TMC1: variants seen among roughly 807,000 people sequenced by gnomAD.
The protein encoded by TMC1 is transmembrane channel like 1.
TMC1 carries 84 observed loss-of-function variants against 105.8 expected under a neutral mutation model. The observed-to-expected ratio is 0.79, with a 90% CI of 0.67 to 0.95. The LOEUF is 0.95. Among genes scored for constraint, TMC1 ranks in the 40% least tolerant of loss-of-function variants. TMC1 has a pLI of 0.00. For missense variants in TMC1, 817 were observed against 914.1 expected, an observed-to-expected ratio of 0.89 and a Z score of 1.37; for synonymous variants, 315 against 311.5, an observed-to-expected ratio of 1.01 and a Z score of -0.12.
At chr9:72,573,080 C>T (rs576752719) in intron 1 of TMC1, among the ~76,000 whole-genome samples, 1 of 152,218 alleles carries the variant, frequency 6.6e-6, no homozygotes, top group African/African-American at 2.4e-5. Context: ...CCCTTGATAA[C>T]TAGTGAGGTT....
chr9:72,798,989 A>G (rs2118218746), intron 17 of TMC1, among the ~76,000 whole-genome samples: 1 of 152,212 alleles, frequency 6.6e-6, no homozygotes, highest in South Asian at 2.1e-4. Flanking sequence ...CCAGCCCAAG[A>G]CTAGCCATAC....
intron 2 of TMC1, among the ~76,000 whole-genome samples, chr9:72,606,187 G>A (rs1824909048): frequency 6.6e-6 from 1 of 152,196 alleles, no homozygotes; most frequent in South Asian, 2.1e-4. Context: ...GCTCACTGGT[G>A]TAGTTGTTGG....
chr9:72,652,476 G>A (rs1450249802), intron 5 of TMC1, among the ~76,000 whole-genome samples: 1 of 151,854 alleles, frequency 6.6e-6, no homozygotes, highest in Non-Finnish European at 1.5e-5. Context: ...AGGAGGATAA[G>A]CCCATGGAAG....
intron 2 of TMC1, among the ~76,000 whole-genome samples, chr9:72,609,854 C>A (rs1824994114): frequency 6.6e-6 from 1 of 151,926 alleles, no homozygotes; most frequent in African/African-American, 2.4e-5. Flanking sequence ...GCCCACCTGG[C>A]AACCCTCTCT....
chr9:72,694,681 A>G lies in TMC1; in HGVS notation c.203A>G (p.Glu68Gly), dbSNP rs564668916. The G allele has an allele frequency of 4.5e-5, 73 of 1,611,664 alleles. 1 individual carries two copies. In the South Asian group the frequency reaches 7.8e-4, roughly 17 times the overall value. ...GATGAAGAAACAAGGAAGGCAAGAG[A>G]AAAAGAGAGGAGGAGGAGGCTAAAG... ...PEDEETRKAR[E>G]KERRRRLKRG... The change falls in exon 7 of 24, where the codon GAA becomes GGA. Residue 68 changes from glutamate to glycine, a missense_variant. Physicochemically the swap from Glu to Gly is moderately conservative, Grantham distance 98 (BLOSUM62 -2). Coordinates refer to ENST00000297784, the MANE Select transcript of TMC1 (RefSeq NM_138691.3).
intron 1 of TMC1, among the ~76,000 whole-genome samples, chr9:72,530,213 C>G (rs986823579): frequency 3.3e-5 from 5 of 152,150 alleles, no homozygotes; most frequent in African/African-American, 1.2e-4. Context: ...GAGTCTCACT[C>G]TGTTGCCCAG....
At chr9:72,834,655 C>A (rs867739488) in intron 23 of TMC1, among the ~76,000 whole-genome samples, 1 of 152,112 alleles carries the variant, frequency 6.6e-6, no homozygotes, top group Admixed American at 6.6e-5. Context: ...GCTCACTTAG[C>A]CCCCTCTTTT....
intron 8 of TMC1, among the ~76,000 whole-genome samples, chr9:72,707,018 G>T (rs1476608716): frequency 6.6e-6 from 1 of 152,102 alleles, no homozygotes; most frequent in Non-Finnish European, 1.5e-5. Context: ...CGGGTGATCT[G>T]CCCACCTTGG....
chr9:72,773,630 C>T (rs1827965572), intron 13 of TMC1, among the ~76,000 whole-genome samples: 1 of 152,072 alleles, frequency 6.6e-6, no homozygotes, highest in African/African-American at 2.4e-5. Context: ...TTCCAAAAAT[C>T]GAAGATATTT....
intron 15 of TMC1, among the ~76,000 whole-genome samples, chr9:72,790,500 G>C (rs764037782): frequency 1.3e-5 from 2 of 152,020 alleles, no homozygotes; most frequent in Non-Finnish European, 2.9e-5. Context: ...CTTTCAAAAT[G>C]GTCTCATAAT....
At chr9:72,569,912 C>T (rs531260954) in intron 1 of TMC1, among the ~76,000 whole-genome samples, 1 of 152,202 alleles carries the variant, frequency 6.6e-6, no homozygotes, top group East Asian at 1.9e-4. Context: ...TGAAGAAGAA[C>T]CGATCTGTAA....
At chr9:72,831,047 T>C (rs759767748) in intron 23 of TMC1, among the ~76,000 whole-genome samples, 1 of 152,202 alleles carries the variant, frequency 6.6e-6, no homozygotes, top group Non-Finnish European at 1.5e-5. Context: ...TTTTCATACA[T>C]GGAAGGATAT....
intron 17 of TMC1, among the ~76,000 whole-genome samples, chr9:72,796,645 A>G (rs1195816674): frequency 1.3e-5 from 2 of 152,236 alleles, no homozygotes; most frequent in Non-Finnish European, 2.9e-5. Flanking sequence ...CCATAGATGC[A>G]GAAAAAGCTT....
intron 13 of TMC1, among the ~76,000 whole-genome samples, chr9:72,776,641 G>A (rs1266175353): frequency 6.6e-6 from 1 of 152,048 alleles, no homozygotes; most frequent in Non-Finnish European, 1.5e-5. Context: ...TTCTCCTTAC[G>A]TAGGCCAAGG....
At chr9:72,537,145 A>G (rs1400425840) in intron 1 of TMC1, among the ~76,000 whole-genome samples, 1 of 152,202 alleles carries the variant, frequency 6.6e-6, no homozygotes, top group Non-Finnish European at 1.5e-5. Flanking sequence ...CAGGATGCAG[A>G]CAGCAGCATC....
At chr9:72,695,653 G>A (rs1282050889) in intron 7 of TMC1, among the ~76,000 whole-genome samples, 1 of 152,102 alleles carries the variant, frequency 6.6e-6, no homozygotes, top group Non-Finnish European at 1.5e-5. Context: ...ATACTCAATA[G>A]CTCTAACTAT....
intron 17 of TMC1, among the ~76,000 whole-genome samples, chr9:72,800,855 C>T (rs139827450): frequency 6.6e-6 from 1 of 151,950 alleles, no homozygotes; most frequent in Non-Finnish European, 1.5e-5. Context: ...TCTCTGGGAA[C>T]AAAAAGAACA....
At chr9:72,557,768 T>C (rs1015248263) in intron 1 of TMC1, among the ~76,000 whole-genome samples, 1 of 152,148 alleles carries the variant, frequency 6.6e-6, no homozygotes, top group East Asian at 1.9e-4. Context: ...CACTGAGTCA[T>C]TTGCCTGTGG....
rs575298022 is a variant in TMC1 at position 72,777,897 on chromosome 9, G to T, written c.884+5342G>T. ...AATTTATGCTGTATGTATTTACTTG[G>T]TGAGGCTCTTTCCAGTGCTAAGTTT... is the stretch of plus-strand genomic sequence containing the variant. On this transcript the variant is annotated intron_variant, in intron 13 of 23. Coordinates refer to ENST00000297784, the MANE Select transcript of TMC1 (RefSeq NM_138691.3). Among the ~76,000 whole-genome samples, 4 of 152,304 alleles carry T rather than the reference G, an allele frequency of 2.6e-5. No individual in the cohort carries two copies. The South Asian group carries it at 8.3e-4, about 32-fold the overall frequency.
Sources: gnomAD v4.1 joint callset for allele counts (sites outside exome capture counted in the v4.1 genomes callset) on GRCh38, gnomAD v4.1.1 for gene constraint, MANE v1.5 for transcripts, NCBI Gene and HGNC (gene_info 2026-07-23, HGNC 2026-07-21) for gene names.